Variants in CHLSN observed in about 807,000 individuals in gnomAD.
CHLSN encodes protein cholesin.
the CHLSN span, chr7:989,546 C>A: frequency 1.3e-5 from 2 of 152,936 alleles, no homozygotes; most frequent in Non-Finnish European, 2.9e-5. Flanking sequence ...TTTGGGAGGC[C>A]GAGGCAGGCG....
chr7:1,070,887 C>T, the CHLSN span, among the ~76,000 whole-genome samples: 1 of 145,370 alleles, frequency 6.9e-6, no homozygotes, highest in African/African-American at 2.5e-5. Flanking sequence ...TGCACATGCA[C>T]ACACGTGCAC....
At chr7:1,017,827 C>T in the CHLSN span, among the ~76,000 whole-genome samples, 5 of 152,238 alleles carry the variant, frequency 3.3e-5, no homozygotes, top group East Asian at 3.8e-4. Flanking sequence ...CAAGGCCAGG[C>T]GCTCTGGGGC....
chr7:1,102,231 T>C, the CHLSN span, among the ~76,000 whole-genome samples: 16 of 152,174 alleles, frequency 1.1e-4, no homozygotes, highest in African/African-American at 3.9e-4. Context: ...CCAACCGCAT[T>C]ATTCAGAGCT....
At chr7:985,843 G>A in the CHLSN span, among the ~76,000 whole-genome samples, 11 of 152,198 alleles carry the variant, frequency 7.2e-5, no homozygotes, top group Admixed American at 6.5e-4. Context: ...CCTGCATCAC[G>A]GCTGGACCCA....
the CHLSN span, among the ~76,000 whole-genome samples, chr7:1,113,809 T>C: frequency 9.2e-5 from 14 of 152,188 alleles, no homozygotes; most frequent in African/African-American, 3.4e-4. Flanking sequence ...CAAGGAGCGG[T>C]GCAGAAACTC....
At chr7:1,085,915 C>A in the CHLSN span, among the ~76,000 whole-genome samples, 3 of 152,208 alleles carry the variant, frequency 2.0e-5, no homozygotes, top group Non-Finnish European at 4.4e-5. Flanking sequence ...TGCCGTCACA[C>A]ATCAAGTATT....
At chr7:1,117,797 T>C in the CHLSN span, among the ~76,000 whole-genome samples, 1 of 152,118 alleles carries the variant, frequency 6.6e-6, no homozygotes, top group Non-Finnish European at 1.5e-5. Context: ...ATGACATCGC[T>C]ACGGCTCTAC....
the CHLSN span, chr7:984,964 T>A: frequency 1.2e-6 from 2 of 1,604,066 alleles, no homozygotes; most frequent in Non-Finnish European, 1.7e-6. Context: ...CTTCTTCTCA[T>A]CTGGGGCGCG....
chr7:1,113,292 G>A, the CHLSN span, among the ~76,000 whole-genome samples: 1 of 152,124 alleles, frequency 6.6e-6, no homozygotes, highest in Non-Finnish European at 1.5e-5. Context: ...TGAGCGCCCT[G>A]ATGGCACTGG....
chr7:1,112,103 G>A, the CHLSN span, among the ~76,000 whole-genome samples: 6 of 152,156 alleles, frequency 3.9e-5, no homozygotes, highest in East Asian at 3.8e-4. Flanking sequence ...AAGAAGCAGC[G>A]CTGGCAAACA....
the CHLSN span, among the ~76,000 whole-genome samples, chr7:984,020 G>A: frequency 6.6e-6 from 1 of 152,154 alleles, no homozygotes; most frequent in East Asian, 1.9e-4. Flanking sequence ...GGCTGTAGCC[G>A]AAGACGGATC....
chr7:995,934 T>C, the CHLSN span, among the ~76,000 whole-genome samples: 6,685 of 152,222 alleles, frequency 0.044, 223 homozygotes, highest in East Asian at 0.2. Context: ...TCCCACAGCT[T>C]GGTGGGTGCA....
the CHLSN span, among the ~76,000 whole-genome samples, chr7:1,055,664 C>G: frequency 1.3e-5 from 2 of 152,162 alleles, no homozygotes; most frequent in South Asian, 4.1e-4. Context: ...CGAGACAGAG[C>G]ACACTGAGGG....
the CHLSN span, chr7:984,270 T>C: frequency 8.8e-7 from 1 of 1,139,432 alleles, no homozygotes; most frequent in African/African-American, 1.6e-5. Flanking sequence ...CCACTGGCTT[T>C]ATGGCATCTA....
chr7:1,014,347 G>A, the CHLSN span, among the ~76,000 whole-genome samples: 13 of 152,216 alleles, frequency 8.5e-5, no homozygotes, highest in African/African-American at 2.4e-4. Flanking sequence ...AAGAGACACA[G>A]AGAAGAAATG....
At chr7:1,045,687 A>G in the CHLSN span, 2 of 152,280 alleles carry the variant, frequency 1.3e-5, no homozygotes, top group Admixed American at 1.3e-4. Flanking sequence ...AGCTCCTTCA[A>G]GAACTACTGT....
the CHLSN span, chr7:1,000,413 C>A: frequency 1.1e-5 from 13 of 1,133,066 alleles, no homozygotes; most frequent in African/African-American, 2.3e-4. Context: ...ACGTGCCTGC[C>A]CCGCCGTGCA....
At chr7:1,092,668 T>C in the CHLSN span, 4 of 1,613,222 alleles carry the variant, frequency 2.5e-6, no homozygotes, top group African/African-American at 4.0e-5. Context: ...CCTCGCCGCC[T>C]TCTCCAACAG....
chr7:1,053,334 G>A, the CHLSN span, among the ~76,000 whole-genome samples: 2 of 152,234 alleles, frequency 1.3e-5, no homozygotes, highest in Non-Finnish European at 2.9e-5. Context: ...CCACAGTAGA[G>A]CCCAGAACCT....
Sources: gnomAD v4.1 joint callset for allele counts (sites outside exome capture counted in the v4.1 genomes callset) on GRCh38, gnomAD v4.1.1 for gene constraint, MANE v1.5 for transcripts, NCBI Gene and HGNC (gene_info 2026-07-23, HGNC 2026-07-21) for gene names.